Variants in TM9SF2 observed in about 807,000 individuals in gnomAD.
TM9SF2 encodes the protein 76 kDa membrane protein.
TM9SF2 carries 13 observed loss-of-function variants against 84.9 expected under a neutral mutation model. The ratio of observed to expected loss-of-function variants is 0.15; its 90% CI spans 0.10 to 0.24. The LOEUF (loss-of-function observed/expected upper bound fraction) is 0.24. TM9SF2 is among the 10% of genes least tolerant of loss of function. TM9SF2 has a pLI of 1.00. For missense variants in TM9SF2, 562 were observed against 818.5 expected (o/e 0.69, Z 3.82); for synonymous variants, 273 against 285.8 (o/e 0.96, Z 0.45).
chr13:99,554,621 GAAGAACA>G (rs2046318762), intron 14 of TM9SF2, among the ~76,000 whole-genome samples, 166 bp downstream of exon 14: 1 of 152,170 alleles, frequency 6.6e-6, no homozygotes, highest in Non-Finnish European at 1.5e-5. Context: ...CATGTTGGAA[GAAGAACA>G]ATAGTGATAA....
At chr13:99,509,964 C>T (rs1166213618) in intron 1 of TM9SF2, among the ~76,000 whole-genome samples, 2 of 152,188 alleles carry the variant, frequency 1.3e-5, no homozygotes, top group African/African-American at 4.8e-5. Flanking sequence ...GACCCTTCAG[C>T]TAAGATAGGC....
chr13:99,552,120 C>T, intron 12 of TM9SF2, 47 bp from the exon 13 acceptor site: 1 of 1,566,174 alleles, frequency 6.4e-7, no homozygotes. Flanking sequence ...ACTACTGTTG[C>T]ATTTTGTTAT....
At chr13:99,548,873 A>T (rs1223516650) in intron 11 of TM9SF2, among the ~76,000 whole-genome samples, 2 of 152,188 alleles carry the variant, frequency 1.3e-5, no homozygotes, top group African/African-American at 4.8e-5. Context: ...CCATTGATTG[A>T]TACTGGCTCA....
At chr13:99,556,461 G>T (rs931971698) in intron 15 of TM9SF2, among the ~76,000 whole-genome samples, 7 of 151,972 alleles carry the variant, frequency 4.6e-5, no homozygotes, top group African/African-American at 1.7e-4. Flanking sequence ...CGCCTGTTCA[G>T]ACATTTCTTA....
intron 1 of TM9SF2, among the ~76,000 whole-genome samples, chr13:99,504,350 A>G (rs2046079992): frequency 6.6e-6 from 1 of 152,230 alleles, no homozygotes; most frequent in South Asian, 2.1e-4. Flanking sequence ...CAGGTCATTG[A>G]TACTGTTACC....
chr13:99,547,123 G>T lies in TM9SF2; in HGVS notation c.1270+19G>T. The T allele has an allele frequency of 1.9e-6, 3 of 1,613,482 alleles. No individual in the cohort carries two copies. The South Asian group carries it at 3.3e-5, about 18-fold the overall frequency. ...TATAAGTGTAAGTCAAAGCCACTGT[G>T]ACTGGCGTCTGATCAGGAAGGGACT... On this transcript the variant is annotated intron_variant, in intron 11 of 16. Coordinates refer to ENST00000376387, the MANE Select transcript of TM9SF2 (RefSeq NM_004800.3).
At chr13:99,558,282 G>A (rs1340702925) in intron 15 of TM9SF2, among the ~76,000 whole-genome samples, 1 of 152,138 alleles carries the variant, frequency 6.6e-6, no homozygotes, top group Non-Finnish European at 1.5e-5. Context: ...TCTTTTTTAT[G>A]ATTGTTTTGA....
chr13:99,553,443 C>T (rs778702811), intron 13 of TM9SF2, among the ~76,000 whole-genome samples: 22 of 152,282 alleles, frequency 1.4e-4, no homozygotes, highest in Middle Eastern at 3.4e-3. Context: ...TAAACAATTA[C>T]TTGAAATTCC....
At chr13:99,548,687 G>A (rs1369337222) in intron 11 of TM9SF2, among the ~76,000 whole-genome samples, 4 of 152,148 alleles carry the variant, frequency 2.6e-5, no homozygotes, top group African/African-American at 4.8e-5. Context: ...TCTGACACAC[G>A]CACCTCCTAG....
intron 12 of TM9SF2, among the ~76,000 whole-genome samples, chr13:99,551,346 A>G (rs947443191): frequency 6.6e-6 from 1 of 152,252 alleles, no homozygotes; most frequent in Non-Finnish European, 1.5e-5. Flanking sequence ...GCAGCGTGCT[A>G]GATGTGGCAC....
chr13:99,543,004 C>T (rs767598893), intron 9 of TM9SF2, among the ~76,000 whole-genome samples: 54 of 152,204 alleles, frequency 3.5e-4, no homozygotes, highest in Non-Finnish European at 5.6e-4. Context: ...TAAGGCCCCA[C>T]GTTACCTCAG....
chr13:99,521,741 C>G (rs1285462579), intron 3 of TM9SF2, among the ~76,000 whole-genome samples: 1 of 152,042 alleles, frequency 6.6e-6, no homozygotes, highest in African/African-American at 2.4e-5. Flanking sequence ...GAGCCTTGCT[C>G]TGTCACCCAG....
In TM9SF2 at chr13:99,535,081, G is replaced by A. The variant is rs539928370; in HGVS notation, c.462-1527G>A. On this transcript the variant is annotated intron_variant, in intron 4 of 16. Coordinates refer to ENST00000376387, the MANE Select transcript of TM9SF2 (RefSeq NM_004800.3). ...ATGGGAGGATCACTTGAGCCTGGGAGGTTGAGGCTGCAGAAAGCCATGATC... is the reference window on the plus strand; with the variant it reads ...ATGGGAGGATCACTTGAGCCTGGGAAGTTGAGGCTGCAGAAAGCCATGATC... 4.9e-4 allele frequency among the ~76,000 whole-genome samples: 75 copies of A among 152,192 alleles called. 1 individual carries two copies. The highest frequency in any genetic ancestry group is 1.8e-3 in the African/African-American group (73 of 41,440).
intron 1 of TM9SF2, among the ~76,000 whole-genome samples, chr13:99,514,675 AAC>A (rs1421981177): frequency 6.6e-6 from 1 of 152,228 alleles, no homozygotes. Flanking sequence ...TTTCTGGTCT[AAC>A]ACAGAGGCCG....
chr13:99,520,125 A>T lies in TM9SF2; in HGVS notation c.329A>T (p.Tyr110Phe). 1 of 1,610,642 alleles carries T rather than the reference A, an allele frequency of 6.2e-7. No individual in the cohort carries two copies. Among genetic ancestry groups the T allele is most frequent in the Non-Finnish European group, 8.5e-7 (1 of 1,178,050 alleles). Residue 110 changes from tyrosine (Y) to phenylalanine (F), a missense_variant, in exon 3 of 17, where the codon TAT (tyrosine) becomes TTT (phenylalanine). Physicochemically the swap from Tyr to Phe is conservative, Grantham distance 22. This residue lies in a region of TM9SF2 where 267 missense variants were observed against 316.7 expected (regional missense o/e 0.84). Transcript: ENST00000376387. Reference protein sequence around the residue: ...LFGERIEPSPYKFTFNKKETC... With the variant: ...LFGERIEPSPFKFTFNKKETC... Reference sequence around the variant, plus strand: ...GGGGAAAGAATTGAACCTTCACCATATAAGGTTTGTATTTAGTGTTACATA... The same window carrying T: ...GGGGAAAGAATTGAACCTTCACCATTTAAGGTTTGTATTTAGTGTTACATA...
intron 3 of TM9SF2, among the ~76,000 whole-genome samples, chr13:99,526,041 CTG>C (rs2046181985): frequency 1.3e-5 from 2 of 152,150 alleles, no homozygotes; most frequent in South Asian, 4.1e-4. Flanking sequence ...TCCGTGGTAA[CTG>C]GAGGGAAGGC....
chr13:99,522,710 A>C (rs1316962018), intron 3 of TM9SF2, among the ~76,000 whole-genome samples: 1 of 152,230 alleles, frequency 6.6e-6, no homozygotes, highest in Non-Finnish European at 1.5e-5. Context: ...AGACAGCAGG[A>C]GTCCCTAGCA....
At chr13:99,558,454 C>G (rs753306263) in intron 15 of TM9SF2, among the ~76,000 whole-genome samples, 3 of 152,182 alleles carry the variant, frequency 2.0e-5, no homozygotes, top group African/African-American at 7.2e-5. Flanking sequence ...TCTAATAGTA[C>G]GTAAACATGG....
At chr13:99,540,046 T>A (rs2046251415) in intron 7 of TM9SF2, among the ~76,000 whole-genome samples, 2 of 152,218 alleles carry the variant, frequency 1.3e-5, no homozygotes, top group African/African-American at 4.8e-5. Flanking sequence ...TCACCATTTT[T>A]AAAATCAAGA....
Sources: allele counts gnomAD v4.1 joint callset (sites outside exome capture counted in the v4.1 genomes callset), GRCh38; gene constraint gnomAD v4.1.1; regional missense constraint gnomAD v4.1.1; transcripts MANE v1.5; gene names NCBI Gene and HGNC (gene_info 2026-07-23, HGNC 2026-07-21).